The following AMPD3 variants were observed in gnomAD, a reference collection of about 807,000 sequenced individuals.
AMPD3 encodes adenosine monophosphate deaminase 3, also known as AMP deaminase 3.
A neutral mutation model predicts 82.3 loss-of-function variants in AMPD3; 57 were observed. The observed-to-expected ratio is 0.69, with a 90% CI of 0.56 to 0.86. The LOEUF is 0.86. Among genes scored for constraint, AMPD3 ranks in the 40% least tolerant of loss-of-function variants. The pLI is 0.00. For synonymous variants in AMPD3, 381 were observed against 394.7 expected (o/e 0.97, Z 0.41); for missense variants, 870 against 1,003.8 (o/e 0.87, Z 1.80).
rs201733675 is a variant in AMPD3, at chr11:10,493,455, G to A, written c.1046G>A (p.Arg349Gln). The A allele has an allele frequency of 3.0e-5, 48 of 1,614,180 alleles. No individual in the cohort carries two copies. Among genetic ancestry groups the A allele is most frequent in the Non-Finnish European group, 3.9e-5 (46 of 1,180,038 alleles). ...TEPDRTVAEK[R>Q]GRKITLRQVF... Reference sequence around the variant, plus strand: ...CCTGACAGGACTGTGGCAGAGAAGCGGGGCCGGAAGATCACCCTGCGGCAG... The same window carrying A: ...CCTGACAGGACTGTGGCAGAGAAGCAGGGCCGGAAGATCACCCTGCGGCAG... The change falls in exon 7 of 15, where the codon CGG (arginine) becomes CAG (glutamine). Residue 349 changes from arginine (R) to glutamine (Q), a missense_variant. Coordinates refer to ENST00000396553, the MANE Select transcript of AMPD3 (RefSeq NM_001025389.2).
Position 10,465,364 on chromosome 11 carries a change from AT to A in AMPD3, c.221+3631del, listed in dbSNP as rs1256194108. On this transcript the variant is annotated intron_variant, in intron 2 of 14. Coordinates refer to ENST00000396553, the MANE Select transcript of AMPD3 (RefSeq NM_001025389.2). ...TTGAGGAAGAATGCAGGAATTATGT[AT>A]TTTTTTAAGAAGCCAGATAAAAATT... Among the ~76,000 whole-genome samples the A allele has an allele frequency of 3.9e-5, 6 of 152,004 alleles. No individual in the cohort carries two copies. The East Asian group carries it at 1.2e-3, about 29-fold the overall frequency.
Position 10,462,203 on chromosome 11 carries a change from C to T in AMPD3, c.221+463C>T, listed in dbSNP as rs114276882. 8.3e-3 allele frequency among the ~76,000 whole-genome samples: 1,270 copies of T among 152,220 alleles called. 15 individuals are homozygous for T. Among genetic ancestry groups the T allele is most frequent in the African/African-American group, 0.029 (1,198 of 41,512 alleles). On this transcript the variant is annotated intron_variant, in intron 2 of 14. Transcript: ENST00000396553. ...ACTGGACAAATTAACTTAAAAATTA[C>T]AAGTTATAATAAGTGCTGTATCAGT...
chr11:10,450,649 C>G, upstream of AMPD3: 1 of 1,009,258 alleles, frequency 9.9e-7, no homozygotes, highest in South Asian at 4.6e-5. Flanking sequence ...GCGGGTGCTT[C>G]CGGCCAAGGG....
intron 14 of AMPD3, 95 bp downstream of exon 14, chr11:10,504,754 T>C (rs1849671639): frequency 4.2e-6 from 5 of 1,181,510 alleles, no homozygotes; most frequent in African/African-American, 1.5e-5. Context: ...GTGATGAACA[T>C]AGCAGGCAGG....
intron 2 of AMPD3, among the ~76,000 whole-genome samples, chr11:10,469,066 C>T (rs916111187): frequency 2.0e-5 from 3 of 152,202 alleles, no homozygotes; most frequent in African/African-American, 4.8e-5. Flanking sequence ...AACACCCTAA[C>T]ATCACAATTA....
chr11:10,484,142 T>C (rs1591466997), intron 4 of AMPD3: 4 of 584,042 alleles, frequency 6.8e-6, no homozygotes, highest in Non-Finnish European at 6.5e-6. Flanking sequence ...TCAGAGGAGA[T>C]AGGCTCAGAG....
chr11:10,499,609 T>G, intron 10 of AMPD3: 1 of 974,034 alleles, frequency 1.0e-6, no homozygotes, highest in Non-Finnish European at 1.2e-6. Flanking sequence ...CCTCCTGGGT[T>G]GCTCTGAATA....
At position 10,456,194 on chromosome 11, in the gene AMPD3, G is replaced by T; in HGVS notation, c.-6+746G>T. On this transcript the variant is annotated intron_variant, in intron 1 of 14. Coordinates refer to ENST00000396553, the MANE Select transcript of AMPD3 (RefSeq NM_001025389.2). The surrounding 1 kb of genome is among the most constrained non-coding windows in gnomAD (Gnocchi z 4.3). ...TTCCACTCATATTTCATATTCACGA[G>T]AGAATTTCCAGCCCAGGCTTTTCCT... 1 of 1,423,148 alleles carries T rather than the reference G, an allele frequency of 7.0e-7. No individual in the cohort carries two copies. The highest frequency in any genetic ancestry group is 9.2e-7 in the Non-Finnish European group (1 of 1,090,094). The allele number at this position is 1,423,148 out of a possible 1,614,324, so 88.2% of individuals were successfully genotyped here.
intron 2 of AMPD3, among the ~76,000 whole-genome samples, chr11:10,473,195 A>G (rs954780432): frequency 6.6e-6 from 1 of 152,178 alleles, no homozygotes; most frequent in East Asian, 1.9e-4. Context: ...GCTTGAACCC[A>G]GGAGCTGGAG....
intron 6 of AMPD3, among the ~76,000 whole-genome samples, chr11:10,490,796 G>T (rs1173531299): frequency 1.3e-5 from 2 of 152,166 alleles, no homozygotes; most frequent in Admixed American, 1.3e-4. Flanking sequence ...ACCAAGCTGT[G>T]TCCAGCTGAG....
At chr11:10,466,142 A>T (rs1312877833) in intron 2 of AMPD3, among the ~76,000 whole-genome samples, 3 of 152,082 alleles carry the variant, frequency 2.0e-5, no homozygotes, top group Non-Finnish European at 4.4e-5. Flanking sequence ...GGCACCTGTA[A>T]TCCCAGTTAC....
At chr11:10,478,830 G>A (rs549368426) in intron 3 of AMPD3, 100 bp downstream of exon 3, 20 of 1,285,722 alleles carry the variant, frequency 1.6e-5, no homozygotes, top group Admixed American at 9.5e-5. Flanking sequence ...GGCCCTGTCC[G>A]TGGATGTCTG....
At chr11:10,470,188 G>A (rs559951264) in intron 2 of AMPD3, among the ~76,000 whole-genome samples, 2 of 152,228 alleles carry the variant, frequency 1.3e-5, no homozygotes, top group Admixed American at 6.5e-5. Context: ...GTAATCCATC[G>A]CATAAACAGA....
rs1848061412 is a variant in AMPD3, at chr11:10,455,324, C to T, written c.-130C>T. 2.0e-6 allele frequency: 2 copies of T among 985,472 alleles called. No homozygotes were observed. Among genetic ancestry groups the T allele is most frequent in the Non-Finnish European group, 2.4e-6 (2 of 829,998 alleles). The allele number at this position is 985,472 out of a possible 1,614,324, so 61.0% of individuals were successfully genotyped here. A position where few individuals can be genotyped will look rare whatever the true frequency, so the allele number is the denominator to read the frequency against. On this transcript the variant is annotated 5_prime_UTR_variant, in exon 1 of 15. Coordinates refer to ENST00000396553, the MANE Select transcript of AMPD3 (RefSeq NM_001025389.2). ...CACCCTGTGATGCCATTTTAATCAA[C>T]CCTGCTTGGTTTTAGAGGATTGCTC...
chr11:10,488,207 T>C, intron 6 of AMPD3: 2 of 985,464 alleles, frequency 2.0e-6, no homozygotes, highest in Non-Finnish European at 2.4e-6. Flanking sequence ...GAAGGTTAAA[T>C]GATCATGGCC....
At chr11:10,486,521 C>T (rs929786628) in intron 5 of AMPD3, 22 of 979,124 alleles carry the variant, frequency 2.2e-5, no homozygotes, top group Non-Finnish European at 2.7e-5. Context: ...TGGGCCCCTT[C>T]TCTGAGTTGG....
intron 14 of AMPD3, 26 bp downstream of exon 14, chr11:10,504,685 T>C: frequency 6.2e-7 from 1 of 1,602,374 alleles, no homozygotes; most frequent in Non-Finnish European, 8.6e-7. Flanking sequence ...GTGCTGCCTG[T>C]GTCCCTCCTG....
rs1848083973 is a variant in AMPD3 at position 10,456,048 on chromosome 11, G to A, written c.-6+600G>A. On this transcript the variant is annotated intron_variant, in intron 1 of 14. Coordinates refer to ENST00000396553, the MANE Select transcript of AMPD3 (RefSeq NM_001025389.2). The surrounding 1 kb of genome is among the most constrained non-coding windows in gnomAD (Gnocchi z 4.3). Reference sequence around the variant, plus strand: ...AGTTTACTGTTGTAAAGAGGAAGCCGCCGCTTTAGTTTCCTCTTGTGAGGG... The same window carrying A: ...AGTTTACTGTTGTAAAGAGGAAGCCACCGCTTTAGTTTCCTCTTGTGAGGG... The A allele has an allele frequency of 2.8e-6, 3 of 1,058,902 alleles. No individual in the cohort carries two copies. The highest frequency in any genetic ancestry group is 7.1e-5 in the East Asian group (1 of 14,148). The allele number at this position is 1,058,902 out of a possible 1,614,324, so 65.6% of individuals were successfully genotyped here.
intron 2 of AMPD3, among the ~76,000 whole-genome samples, chr11:10,468,549 A>G (rs890225795): frequency 6.6e-6 from 1 of 152,238 alleles, no homozygotes; most frequent in Non-Finnish European, 1.5e-5. Context: ...AAAGAGACTT[A>G]GACTCCCACA....
Sources: allele counts gnomAD v4.1 joint callset (sites outside exome capture counted in the v4.1 genomes callset), GRCh38; gene constraint gnomAD v4.1.1; non-coding constraint Gnocchi (gnomAD v3.1); transcripts MANE v1.5; gene names NCBI Gene and HGNC (gene_info 2026-07-23, HGNC 2026-07-21).